Variants in PCDHGB4 observed in about 807,000 individuals in gnomAD.
PCDHGB4 encodes protocadherin gamma-B4.
Under a neutral mutation model 60.5 loss-of-function variants are expected in PCDHGB4, and 38 were observed. The observed-to-expected ratio is 0.63, with a 90% CI of 0.48 to 0.82. PCDHGB4 has a LOEUF of 0.82. Ranked by LOEUF, PCDHGB4 falls within the 40% of genes least tolerant of loss-of-function variation. PCDHGB4 has a pLI of 0.00. For synonymous variants in PCDHGB4, 456 were observed against 509.7 expected (o/e 0.89, Z 1.42); for missense variants, 1,109 against 1,209.6 (o/e 0.92, Z 1.23).
At chr5:141,416,717 A>G (rs1227713508) in intron 1 of PCDHGB4, 1 of 152,256 alleles carries the variant, frequency 6.6e-6, no homozygotes, top group Admixed American at 6.5e-5. Flanking sequence ...GGTACTGATG[A>G]GTTCATTTAG....
intron 1 of PCDHGB4, chr5:141,419,377 C>T: frequency 6.2e-6 from 10 of 1,613,690 alleles, no homozygotes; most frequent in Admixed American, 3.3e-5. Flanking sequence ...CCTACGTGTC[C>T]GTGAGCGCGC....
chr5:141,469,395 T>G lies in PCDHGB4; in HGVS notation c.2398-25412T>G, dbSNP rs1332746609. ...ATCGAGACCATCCTGGCCAACATGG[T>G]GAAACCCCGTTTCTACTAAAAATAT... On this transcript the variant is annotated intron_variant, in intron 1 of 3. Transcript: ENST00000519479. Among the ~76,000 whole-genome samples, 6 of 152,194 alleles carry G rather than the reference T, an allele frequency of 3.9e-5. No homozygotes were observed. The East Asian group carries it at 1.2e-3, about 29-fold the overall frequency.
chr5:141,427,937 C>T, intron 1 of PCDHGB4: 1 of 1,584,566 alleles, frequency 6.3e-7, no homozygotes, highest in African/African-American at 1.3e-5. Flanking sequence ...TGTTGGTGGG[C>T]GACCTCAATG....
intron 1 of PCDHGB4, among the ~76,000 whole-genome samples, chr5:141,439,459 A>ACTG (rs1234039449): frequency 6.6e-6 from 1 of 152,222 alleles, no homozygotes; most frequent in Non-Finnish European, 1.5e-5. Flanking sequence ...GCAAGACTGC[A>ACTG]CTGCTGCCTT....
rs754178145 is a variant in PCDHGB4 at position 141,489,423 on chromosome 5, C to G, written c.2398-5384C>G. On this transcript the variant is annotated intron_variant, in intron 1 of 3. Transcript: ENST00000519479. The surrounding 1 kb of genome is among the most constrained non-coding windows in gnomAD (Gnocchi z 4.5). ...GCTTAAAGATGACAGATCTGTTGAG[C>G]CGGCGGCTGCAATTGGGCTCTGAGG... 3 of 1,614,098 alleles carry G rather than the reference C, an allele frequency of 1.9e-6. No individual in the cohort carries two copies. The highest frequency in any genetic ancestry group is 1.7e-5 in the Admixed American group (1 of 60,020).
Position 141,489,767 on chromosome 5 carries a change from G to T in PCDHGB4, c.2398-5040G>T, listed in dbSNP as rs2099691977. On this transcript the variant is annotated intron_variant, in intron 1 of 3. Transcript: ENST00000519479. This position sits in a 1 kb window ranked among gnomAD's most constrained non-coding sequence, Gnocchi z 4.5. ...AGCTTTTACACTCTAAGCCCCAACA[G>T]CCACTTCTCTCTGAATGTGAAGACC... The T allele has an allele frequency of 6.2e-7, 1 of 1,614,028 alleles. No homozygotes were observed. Among genetic ancestry groups the T allele is most frequent in the African/African-American group, 1.3e-5 (1 of 74,938 alleles).
intron 1 of PCDHGB4, among the ~76,000 whole-genome samples, chr5:141,401,282 C>T (rs963741934): frequency 2.6e-5 from 4 of 151,884 alleles, no homozygotes; most frequent in Non-Finnish European, 4.4e-5. Flanking sequence ...GTGGAGGTTG[C>T]GGTGAGCCGA....
Position 141,486,544 on chromosome 5 carries a change from G to C in PCDHGB4, c.2398-8263G>C, listed in dbSNP as rs1376583724. Reference sequence around the variant, plus strand: ...ATGATAATCCACCCTCTTTCTTTCAGAGGTCACATGAGGTGTTTGTTCCTG... The same window carrying C: ...ATGATAATCCACCCTCTTTCTTTCACAGGTCACATGAGGTGTTTGTTCCTG... On this transcript the variant is annotated intron_variant, in intron 1 of 3. Coordinates refer to ENST00000519479, the MANE Select transcript of PCDHGB4 (RefSeq NM_003736.4). The surrounding 1 kb of genome is among the most constrained non-coding windows in gnomAD (Gnocchi z 5.0). The C allele has an allele frequency of 6.2e-7, 1 of 1,613,964 alleles. No homozygotes were observed. The highest frequency in any genetic ancestry group is 1.3e-5 in the African/African-American group (1 of 74,932).
At chr5:141,409,712 T>C (rs1049603081) in intron 1 of PCDHGB4, 5 of 1,613,122 alleles carry the variant, frequency 3.1e-6, no homozygotes, top group Non-Finnish European at 4.2e-6. Flanking sequence ...GGTGTCGTCA[T>C]ACGTGTCAGT....
chr5:141,467,055 CTTT>C (rs1193465269), intron 1 of PCDHGB4, among the ~76,000 whole-genome samples: 5 of 134,460 alleles, frequency 3.7e-5, no homozygotes, highest in Admixed American at 7.5e-5. Context: ...TCAATGTTTT[CTTT>C]TTTTTTTTTT....
chr5:141,423,141 G>C, intron 1 of PCDHGB4: 1 of 1,613,580 alleles, frequency 6.2e-7, no homozygotes, highest in Non-Finnish European at 8.5e-7. Flanking sequence ...ACAGAGACGC[G>C]CTCAAGCAGA....
intron 1 of PCDHGB4, chr5:141,393,991 A>C (rs2092893166): frequency 6.2e-7 from 1 of 1,613,604 alleles, no homozygotes; most frequent in East Asian, 2.2e-5. Flanking sequence ...TTACCTTTTA[A>C]ATTAGAAAAG....
chr5:141,445,621 G>A (rs1216813961), intron 1 of PCDHGB4, among the ~76,000 whole-genome samples: 4 of 151,996 alleles, frequency 2.6e-5, no homozygotes, highest in African/African-American at 7.2e-5. Flanking sequence ...TCTTTTTTTC[G>A]GAAAGTGATA....
intron 1 of PCDHGB4, chr5:141,415,281 C>T (rs1321418691): frequency 6.2e-7 from 1 of 1,614,080 alleles, no homozygotes; most frequent in African/African-American, 1.3e-5. Context: ...TAGCGGTGGC[C>T]GCGGTCTCCT....
At chr5:141,410,513 G>C in intron 1 of PCDHGB4, 1 of 1,613,954 alleles carries the variant, frequency 6.2e-7, no homozygotes, top group Non-Finnish European at 8.5e-7. Context: ...AAAATGCAGT[G>C]TGCCCCTACA....
intron 1 of PCDHGB4, chr5:141,392,972 G>T: frequency 6.2e-7 from 1 of 1,613,920 alleles, no homozygotes. Context: ...AGGACCTGGG[G>T]CTGGACCCCC....
rs192677983 is a variant in PCDHGB4 at position 141,457,339 on chromosome 5, A to G, written c.2398-37468A>G. On this transcript the variant is annotated intron_variant, in intron 1 of 3. Transcript: ENST00000519479. The stretch of plus-strand genomic sequence containing the variant: ...CCTCCGGGTTACAGGTACCTTACTT[A>G]CTTTCATTACCTGGCACAATTTGCA... Among the ~76,000 whole-genome samples the G allele has an allele frequency of 3.1e-4, 47 of 152,268 alleles. No individual in the cohort carries two copies. The South Asian group carries it at 3.3e-3, about 11-fold the overall frequency.
Position 141,438,643 on chromosome 5 carries a change from C to CATAT in PCDHGB4, c.2397+48363_2397+48364insTATA, listed in dbSNP as rs1213792286. ...ATATATATATATATATATACACACACACACACACATATATGTATATATATA... is the reference window on the plus strand; with the variant it reads ...ATATATATATATATATATACACACACATATACACACACATATATGTATATATATA... On this transcript the variant is annotated intron_variant, in intron 1 of 3. Transcript: ENST00000519479. Among the ~76,000 whole-genome samples, 345 of 117,382 alleles carry CATAT rather than the reference C, an allele frequency of 2.9e-3. 2 individuals are homozygous for CATAT. Among genetic ancestry groups the CATAT allele is most frequent in the Admixed American group, 6.8e-3 (78 of 11,434 alleles). 77.0% of individuals were successfully genotyped at this position (117,382 alleles called of 152,430 possible). A position where few individuals can be genotyped will look rare whatever the true frequency, so the allele number is the denominator to read the frequency against.
chr5:141,441,923 C>A, intron 1 of PCDHGB4: 2 of 351,136 alleles, frequency 5.7e-6, no homozygotes, highest in Non-Finnish European at 5.5e-6. Context: ...AGACACAATG[C>A]GTGGCTGTCC....
Sources: allele counts gnomAD v4.1 joint callset (sites outside exome capture counted in the v4.1 genomes callset), GRCh38; gene constraint gnomAD v4.1.1; non-coding constraint Gnocchi (gnomAD v3.1); transcripts MANE v1.5; gene names NCBI Gene and HGNC (gene_info 2026-07-23, HGNC 2026-07-21).